The following EPHA8 variants were observed in gnomAD, a reference collection of about 807,000 sequenced individuals.
The protein encoded by EPHA8 is ephrin type-A receptor 8.
A neutral mutation model predicts 103.6 loss-of-function variants in EPHA8; 58 were observed. That is an observed-to-expected ratio of 0.56 (90% CI 0.45 to 0.70). The LOEUF (loss-of-function observed/expected upper bound fraction) is 0.70, where lower values mean the gene tolerates loss of function less well. EPHA8 is among the 30% of genes least tolerant of loss of function. EPHA8 has a pLI of 0.00. For missense variants in EPHA8, 1,304 were observed against 1,395.2 expected, an observed-to-expected ratio of 0.93 and a Z score of 1.04; for synonymous variants, 559 against 572.5, an observed-to-expected ratio of 0.98 and a Z score of 0.34.
At chr1:22,572,692 A>G (rs901485160) in intron 2 of EPHA8, among the ~76,000 whole-genome samples, 1 of 152,230 alleles carries the variant, frequency 6.6e-6, no homozygotes, top group Non-Finnish European at 1.5e-5. Flanking sequence ...CAAGCCCCAG[A>G]GAAGGGATAT....
At chr1:22,566,814 C>G (rs1640372741) in intron 1 of EPHA8, among the ~76,000 whole-genome samples, 1 of 152,016 alleles carries the variant, frequency 6.6e-6, no homozygotes, top group Admixed American at 6.6e-5. Flanking sequence ...GGACTTGGGG[C>G]TTCCTTCAAG....
chr1:22,574,426 C>G (rs1640627775), intron 2 of EPHA8, among the ~76,000 whole-genome samples: 1 of 152,222 alleles, frequency 6.6e-6, no homozygotes, highest in South Asian at 2.1e-4. Context: ...GCCAGAACTC[C>G]GTTCATCCTG....
rs34215302 is a variant in EPHA8 at position 22,603,370 on chromosome 1, T to TG, written c.*1638dup. The TG allele has an allele frequency of 0.085, 12,775 of 151,148 alleles. 663 individuals carry two copies. The highest frequency in any genetic ancestry group is 0.18 in the Admixed American group (2,663 of 15,144). The allele number at this position is 151,148 out of a possible 1,614,324, so 9.4% of individuals were successfully genotyped here. ...TCGGAAACATGGTCAGAACACGATC[T>TG]GGGGGGGGGATCCTGTCTTCCTCCC... On this transcript the variant is annotated 3_prime_UTR_variant, in exon 17 of 17. Coordinates refer to ENST00000166244, the MANE Select transcript of EPHA8 (RefSeq NM_020526.5).
At position 22,589,331 on chromosome 1, in the gene EPHA8, C is replaced by T. The variant is rs1309042758; in HGVS notation, c.1315+125C>T. The T allele has an allele frequency of 6.2e-7, 1 of 1,606,162 alleles. No homozygotes were observed. The highest frequency in any genetic ancestry group is 1.7e-5 in the Admixed American group (1 of 59,788). ...CCTTTAGGCAAGTGCCTCTCTGGCC[C>T]TGCGCTCCTCACCAGGACCCAGAGC... On this transcript the variant is annotated intron_variant, in intron 5 of 16. Transcript: ENST00000166244. This position sits in a 1 kb window ranked among gnomAD's most constrained non-coding sequence, Gnocchi z 4.3.
Position 22,588,807 on chromosome 1 carries a change from T to C in EPHA8, c.980-64T>C, listed in dbSNP as rs1218185331. 2.6e-6 allele frequency: 4 copies of C among 1,514,442 alleles called. No homozygotes were observed. In the African/African-American group the frequency reaches 4.1e-5, roughly 16 times the overall value. 93.8% of individuals were successfully genotyped at this position (1,514,442 alleles called of 1,614,324 possible). On this transcript the variant is annotated intron_variant, in intron 4 of 16. Coordinates refer to ENST00000166244, the MANE Select transcript of EPHA8 (RefSeq NM_020526.5). ...TTCCCTTGGGGAGCCCCAGGTCTGA[T>C]GATAGGAAGACAGGACAGCCCAAAT...
At chr1:22,577,934 A>AAT (rs1640773548) in intron 3 of EPHA8, among the ~76,000 whole-genome samples, 1 of 4,590 alleles carries the variant, frequency 2.2e-4, no homozygotes, top group East Asian at 6.2e-3. Flanking sequence ...TGTGTGCGTG[A>AAT]GTGTATGTGT....
At chr1:22,579,123 ATG>A (rs1328518949) in intron 3 of EPHA8, among the ~76,000 whole-genome samples, 3 of 114,136 alleles carry the variant, frequency 2.6e-5, no homozygotes, top group African/African-American at 9.5e-5. Context: ...GTGTACGTGT[ATG>A]TGTGCATGTG....
intron 3 of EPHA8, among the ~76,000 whole-genome samples, chr1:22,578,764 AATGT>A (rs1018609058): frequency 3.1e-5 from 4 of 130,604 alleles, no homozygotes; most frequent in East Asian, 2.4e-4. Context: ...CATGTGTGTG[AATGT>A]ATGTGTACGT....
In EPHA8 at chr1:22,576,254, C is replaced by G. The variant is rs1640689096; in HGVS notation, c.197C>G (p.Pro66Arg). ...AACGAGGTGGACGAGTCCTTCCAGC[C>G]CATCCACACGTACCAGGTTTGCAAC... ...SINEVDESFQPIHTYQVCNVM... is the reference protein window; with the variant it reads ...SINEVDESFQRIHTYQVCNVM... The change falls in exon 3 of 17, where the codon CCC becomes CGC. Residue 66 changes from proline (P) to arginine (R), a missense_variant. Physicochemically the swap from Pro to Arg is moderately radical, Grantham distance 103 (BLOSUM62 -2). Coordinates refer to ENST00000166244, the MANE Select transcript of EPHA8 (RefSeq NM_020526.5). This position sits in a 1 kb window ranked among gnomAD's most constrained non-coding sequence, Gnocchi z 4.8. The G allele has an allele frequency of 1.9e-6, 3 of 1,613,022 alleles. No homozygotes were observed. The highest frequency in any genetic ancestry group is 2.5e-6 in the Non-Finnish European group (3 of 1,179,534).
chr1:22,597,743 C>G lies in EPHA8; in HGVS notation c.1998C>G (p.Ile666Met), dbSNP rs752615573. ...GGCAGCGGGATGTGCCCGTGGCCAT[C>G]AAGGCCCTCAAAGCCGGCTACACGG... ...VPGQRDVPVA[I>M]KALKAGYTER... is the part of the protein sequence containing the mutation. The change falls in exon 11 of 17, where the codon ATC becomes ATG. Residue 666 changes from isoleucine to methionine, a missense_variant. Physicochemically the swap from Ile to Met is conservative, Grantham distance 10 (BLOSUM62 1). Transcript: ENST00000166244. The surrounding 1 kb of genome is among the most constrained non-coding windows in gnomAD (Gnocchi z 4.6). 4.3e-6 allele frequency: 7 copies of G among 1,613,118 alleles called. No homozygotes were observed. The highest frequency in any genetic ancestry group is 5.9e-6 in the Non-Finnish European group (7 of 1,179,980).
At chr1:22,570,315 CACACAT>C (rs1481246402) in intron 2 of EPHA8, among the ~76,000 whole-genome samples, 23 of 121,326 alleles carry the variant, frequency 1.9e-4, no homozygotes, top group African/African-American at 6.1e-4. Context: ...TGTGCGTGTA[CACACAT>C]GCACACACGC....
At chr1:22,594,511 G>A (rs547045593) in intron 7 of EPHA8, among the ~76,000 whole-genome samples, 8 of 152,324 alleles carry the variant, frequency 5.3e-5, no homozygotes, top group South Asian at 2.1e-4. Context: ...ACAAGTCCTC[G>A]GTGATCCCCA....
chr1:22,580,866 G>A (rs1557564577), intron 3 of EPHA8, among the ~76,000 whole-genome samples: 1 of 152,200 alleles, frequency 6.6e-6, no homozygotes, highest in African/African-American at 2.4e-5. Flanking sequence ...CCAGGTACAG[G>A]CTTTTAGCGT....
At chr1:22,578,751 G>A (rs956882753) in intron 3 of EPHA8, among the ~76,000 whole-genome samples, 23 of 148,698 alleles carry the variant, frequency 1.5e-4, no homozygotes, top group Non-Finnish European at 3.2e-4. Flanking sequence ...GTACGGATTT[G>A]TGCATGTGTG....
At position 22,598,791 on chromosome 1, in the gene EPHA8, G is replaced by C. The variant is rs1641592411; in HGVS notation, c.2179-47G>C. 1.3e-6 allele frequency: 2 copies of C among 1,590,890 alleles called. No homozygotes were observed. Among genetic ancestry groups the C allele is most frequent in the African/African-American group, 2.7e-5 (2 of 74,552 alleles). ...GGGAGGTGTTCCTGTTCACGGACCA[G>C]GCGCCTCGCCGGGCTTTCCTGAAGT... On this transcript the variant is annotated intron_variant, in intron 12 of 16. Transcript: ENST00000166244. This position sits in a 1 kb window ranked among gnomAD's most constrained non-coding sequence, Gnocchi z 5.1.
intron 3 of EPHA8, 122 bp downstream of exon 3, chr1:22,577,002 G>A (rs1640727568): frequency 2.6e-6 from 3 of 1,159,520 alleles, no homozygotes; most frequent in Admixed American, 2.9e-5. Context: ...CACAGCCCCT[G>A]GGAAGATGGA....
Position 22,596,157 on chromosome 1 carries a change from C to G in EPHA8, c.1749C>G (p.His583Gln), listed in dbSNP as rs901903397. Residue 583 changes from histidine to glutamine, a missense_variant, in exon 9 of 17, where the codon CAC (histidine) becomes CAG (glutamine). By Grantham distance (24) the His-to-Gln change is conservative. Coordinates refer to ENST00000166244, the MANE Select transcript of EPHA8 (RefSeq NM_020526.5). ...AFQDSDEEKMHYQNGQAPPPV... is the reference protein window; with the variant it reads ...AFQDSDEEKMQYQNGQAPPPV... ...AGGACTCGGACGAGGAGAAGATGCA[C>G]TATCAGAATGGACAGGGTGAGTGCA... 1.7e-5 allele frequency: 27 copies of G among 1,613,830 alleles called. No homozygotes were observed. The highest frequency in any genetic ancestry group is 2.3e-5 in the Non-Finnish European group (27 of 1,179,978).
At chr1:22,564,317 G>T (rs1211653186) in intron 1 of EPHA8, among the ~76,000 whole-genome samples, 1 of 151,516 alleles carries the variant, frequency 6.6e-6, no homozygotes, top group Non-Finnish European at 1.5e-5. Context: ...TGGGAGAGGG[G>T]TCAGGGCCCG....
intron 2 of EPHA8, among the ~76,000 whole-genome samples, chr1:22,575,147 C>T (rs150436231): frequency 0.037 from 5,555 of 152,166 alleles, 139 homozygotes; most frequent in East Asian, 0.096. Context: ...GACAGGGTTT[C>T]GCCATGTTGG....
Sources: gnomAD v4.1 joint callset for allele counts (sites outside exome capture counted in the v4.1 genomes callset) on GRCh38, gnomAD v4.1.1 for gene constraint, Gnocchi (gnomAD v3.1) non-coding constraint, MANE v1.5 for transcripts, NCBI Gene and HGNC (gene_info 2026-07-23, HGNC 2026-07-21) for gene names.